The following PLD5 variants were observed in gnomAD, a reference collection of about 807,000 sequenced individuals.
PLD5 encodes inactive phospholipase D5.
A neutral mutation model predicts 61.1 loss-of-function variants in PLD5; 36 were observed. The observed-to-expected ratio is 0.59, with a 90% confidence interval of 0.45 to 0.78. The LOEUF (loss-of-function observed/expected upper bound fraction) is 0.78, where lower values mean the gene tolerates loss of function less well. PLD5 is among the 30% of genes least tolerant of loss of function. The pLI, the probability that PLD5 is intolerant of heterozygous loss-of-function variation, is 0.00. For synonymous variants in PLD5, 243 were observed against 242.8 expected, an observed-to-expected ratio of 1.00 and a Z score of -0.01; for missense variants, 515 against 644.4, an observed-to-expected ratio of 0.80 and a Z score of 2.17.
intron 5 of PLD5, 69 bp downstream of exon 5, chr1:242,219,919 G>C: frequency 6.4e-7 from 1 of 1,563,052 alleles, no homozygotes; most frequent in Non-Finnish European, 8.8e-7. Context: ...ATCTGCAGTA[G>C]CGTGCTTTAT....
intron 4 of PLD5, among the ~76,000 whole-genome samples, chr1:242,255,801 T>C (rs1384458001): frequency 6.6e-6 from 1 of 152,168 alleles, no homozygotes; most frequent in East Asian, 1.9e-4. Context: ...CCCTGTCCTT[T>C]TTAAAATAAT....
At chr1:242,279,266 T>C (rs1163511426) in intron 3 of PLD5, among the ~76,000 whole-genome samples, 2 of 152,192 alleles carry the variant, frequency 1.3e-5, no homozygotes, top group African/African-American at 4.8e-5. Context: ...TTGGAACCTA[T>C]GAAAGTTGAA....
chr1:242,315,320 A>C (rs1046552120), intron 2 of PLD5, among the ~76,000 whole-genome samples: 5 of 152,264 alleles, frequency 3.3e-5, no homozygotes, highest in African/African-American at 1.2e-4. Flanking sequence ...AGTCTAAATC[A>C]ATAAACAATA....
chr1:242,344,343 CTT>C (rs1310762931), intron 2 of PLD5, among the ~76,000 whole-genome samples: 1 of 152,058 alleles, frequency 6.6e-6, no homozygotes, highest in Non-Finnish European at 1.5e-5. Context: ...CTCTGTCTGC[CTT>C]TGAGTCTCTG....
chr1:242,118,551 A>G (rs569606077), intron 6 of PLD5, among the ~76,000 whole-genome samples: 83 of 152,368 alleles, frequency 5.4e-4, no homozygotes, highest in African/African-American at 1.9e-3. Context: ...TGCTCAATAC[A>G]TACTTATGGA....
intron 5 of PLD5, among the ~76,000 whole-genome samples, chr1:242,205,986 A>G (rs1450672146): frequency 6.6e-6 from 1 of 152,206 alleles, no homozygotes; most frequent in Admixed American, 6.5e-5. Context: ...GAAAGAAATG[A>G]CTGGGCTTGG....
intron 1 of PLD5, among the ~76,000 whole-genome samples, chr1:242,515,740 A>T (rs1251025881): frequency 6.6e-6 from 1 of 152,250 alleles, no homozygotes; most frequent in Non-Finnish European, 1.5e-5. Context: ...TGAACAACTA[A>T]AATAATGCTT....
chr1:242,340,690 T>C (rs1487445324), intron 2 of PLD5, among the ~76,000 whole-genome samples: 1 of 152,058 alleles, frequency 6.6e-6, no homozygotes, highest in Non-Finnish European at 1.5e-5. Flanking sequence ...AATATACAGA[T>C]GAAAAGAAAA....
At chr1:242,124,224 G>A (rs1662604669) in intron 6 of PLD5, among the ~76,000 whole-genome samples, 1 of 152,154 alleles carries the variant, frequency 6.6e-6, no homozygotes, top group South Asian at 2.1e-4. Context: ...CTAGCTTACA[G>A]GGTGATTGAG....
intron 3 of PLD5, among the ~76,000 whole-genome samples, chr1:242,271,053 C>T (rs1290407720): frequency 6.6e-6 from 1 of 151,922 alleles, no homozygotes; most frequent in Non-Finnish European, 1.5e-5. Context: ...GTGTCTGGTA[C>T]TAATACTCGA....
At chr1:242,202,905 C>A (rs181310383) in intron 5 of PLD5, among the ~76,000 whole-genome samples, 1 of 151,962 alleles carries the variant, frequency 6.6e-6, no homozygotes, top group Non-Finnish European at 1.5e-5. Context: ...GGGATGCAGG[C>A]GGGGATGCCA....
intron 1 of PLD5, among the ~76,000 whole-genome samples, chr1:242,486,715 A>G (rs1448747252): frequency 6.6e-6 from 1 of 152,210 alleles, no homozygotes; most frequent in East Asian, 1.9e-4. Flanking sequence ...TACTGGGTAT[A>G]TACCCAAAGG....
chr1:242,177,585 C>G (rs372753763), intron 5 of PLD5: 1 of 152,240 alleles, frequency 6.6e-6, no homozygotes, highest in East Asian at 1.9e-4. Flanking sequence ...CACTGAAGAG[C>G]AAACAAAAAC....
chr1:242,375,077 C>T (rs1661867898), intron 1 of PLD5, among the ~76,000 whole-genome samples: 1 of 152,156 alleles, frequency 6.6e-6, no homozygotes, highest in African/African-American at 2.4e-5. Flanking sequence ...CTGCTCTCAT[C>T]TATCCTAACC....
intron 3 of PLD5, among the ~76,000 whole-genome samples, chr1:242,278,743 T>C (rs551917170): frequency 6.6e-6 from 1 of 152,316 alleles, no homozygotes; most frequent in South Asian, 2.1e-4. Context: ...GCTTATTTGA[T>C]TTTCTATCCC....
At chr1:242,189,504 T>C (rs1278769793) in intron 5 of PLD5, among the ~76,000 whole-genome samples, 1 of 151,166 alleles carries the variant, frequency 6.6e-6, no homozygotes, top group Non-Finnish European at 1.5e-5. Context: ...GGCTGGGGTG[T>C]TCATCTGTCA....
intron 2 of PLD5, among the ~76,000 whole-genome samples, chr1:242,303,851 G>C (rs1283081087): frequency 6.6e-6 from 1 of 152,200 alleles, no homozygotes; most frequent in Admixed American, 6.5e-5. Flanking sequence ...TTTTCCACGA[G>C]AGGGCGATTA....
At chr1:242,461,594 C>T (rs1012626823) in intron 1 of PLD5, among the ~76,000 whole-genome samples, 24 of 152,216 alleles carry the variant, frequency 1.6e-4, no homozygotes, top group African/African-American at 5.5e-4. Context: ...TATCTTCCTT[C>T]GGGTATATAC....
At chr1:242,324,657 T>C (rs763819234) in intron 2 of PLD5, among the ~76,000 whole-genome samples, 1 of 152,144 alleles carries the variant, frequency 6.6e-6, no homozygotes, top group African/African-American at 2.4e-5. Flanking sequence ...GATTAAGAAT[T>C]ATGGCTCAGG....
Sources: allele counts gnomAD v4.1 joint callset (sites outside exome capture counted in the v4.1 genomes callset), GRCh38; gene constraint gnomAD v4.1.1; transcripts MANE v1.5; gene names NCBI Gene and HGNC (gene_info 2026-07-23, HGNC 2026-07-21).